TBC1D22A: variants seen among roughly 807,000 people sequenced by gnomAD.
TBC1D22A encodes the protein TBC1 domain family member 22A.
Under a neutral mutation model 60.2 loss-of-function variants are expected in TBC1D22A, and 38 were observed. The observed-to-expected ratio is 0.63, with a 90% confidence interval of 0.49 to 0.83. The LOEUF is 0.83. TBC1D22A is among the 40% of genes least tolerant of loss of function. The probability of loss-of-function intolerance (pLI) is 0.00; values close to 1 mark genes in which losing one functional copy is unlikely to be tolerated. For missense variants in TBC1D22A, 628 were observed against 701.0 expected (o/e 0.90, Z 1.18); for synonymous variants, 302 against 281.7 (o/e 1.07, Z -0.72).
At chr22:46,904,121 A>ATCTG (rs2069228792) in intron 7 of TBC1D22A, among the ~76,000 whole-genome samples, 2 of 83,966 alleles carry the variant, frequency 2.4e-5, no homozygotes, top group African/African-American at 5.2e-5. Context: ...CTATCTATCT[A>ATCTG]TCTATCTATC....
At chr22:46,791,194 T>C (rs2084390471) in intron 1 of TBC1D22A, among the ~76,000 whole-genome samples, 1 of 152,198 alleles carries the variant, frequency 6.6e-6, no homozygotes, top group African/African-American at 2.4e-5. Context: ...AATTTTTTTG[T>C]ATTTTTTTGT....
chr22:47,044,005 A>AGGTGCTGGGG (rs1478609928), intron 11 of TBC1D22A, among the ~76,000 whole-genome samples: 1 of 152,064 alleles, frequency 6.6e-6, no homozygotes, highest in Non-Finnish European at 1.5e-5. Context: ...TGAGCAGGGC[A>AGGTGCTGGGG]GGGCTCCGCC....
chr22:46,818,995 A>C (rs926599789), intron 4 of TBC1D22A, among the ~76,000 whole-genome samples: 1 of 152,102 alleles, frequency 6.6e-6, no homozygotes, highest in African/African-American at 2.4e-5. Context: ...CTTTGTAGCA[A>C]TTGTGAATGT....
At chr22:46,830,015 G>T (rs2086242098) in intron 4 of TBC1D22A, among the ~76,000 whole-genome samples, 2 of 152,234 alleles carry the variant, frequency 1.3e-5, no homozygotes, top group Non-Finnish European at 2.9e-5. Flanking sequence ...TGTGCTCGGC[G>T]AGAGACAGAA....
At chr22:46,822,245 T>G (rs1014303794) in intron 4 of TBC1D22A, among the ~76,000 whole-genome samples, 1 of 152,132 alleles carries the variant, frequency 6.6e-6, no homozygotes, top group African/African-American at 2.4e-5. Flanking sequence ...CCTGTCAATT[T>G]GTCCATCTGA....
chr22:47,110,394 GC>G (rs1313464585), intron 11 of TBC1D22A, among the ~76,000 whole-genome samples: 8 of 152,166 alleles, frequency 5.3e-5, no homozygotes, highest in Non-Finnish European at 8.8e-5. Flanking sequence ...CAGGAACATT[GC>G]TTGAAACCAG....
chr22:46,822,482 C>A (rs185342390), intron 4 of TBC1D22A, among the ~76,000 whole-genome samples: 17 of 152,124 alleles, frequency 1.1e-4, no homozygotes, highest in African/African-American at 3.9e-4. Context: ...GTTTTTCTTG[C>A]AATAGTCAGG....
intron 8 of TBC1D22A, among the ~76,000 whole-genome samples, chr22:46,925,323 A>G (rs1050688714): frequency 6.6e-6 from 1 of 152,202 alleles, no homozygotes; most frequent in Non-Finnish European, 1.5e-5. Context: ...GCAGTTCTAG[A>G]CCCACGTGAG....
At chr22:46,763,129 C>T (rs976403334) in intron 1 of TBC1D22A, 2 of 421,844 alleles carry the variant, frequency 4.7e-6, no homozygotes, top group Non-Finnish European at 8.4e-6. Flanking sequence ...CTCCTGGGCT[C>T]CTTGGGGAGG....
intron 11 of TBC1D22A, among the ~76,000 whole-genome samples, chr22:47,046,400 G>A (rs1308248174): frequency 6.6e-6 from 1 of 152,176 alleles, no homozygotes; most frequent in Non-Finnish European, 1.5e-5. Flanking sequence ...GAATGCTTTG[G>A]GCCCCAGAGT....
chr22:47,001,130 G>A (rs2061393250), intron 10 of TBC1D22A, among the ~76,000 whole-genome samples: 1 of 152,080 alleles, frequency 6.6e-6, no homozygotes, highest in Non-Finnish European at 1.5e-5. Flanking sequence ...AGGGCAAAGT[G>A]GACGTGATAC....
chr22:46,915,908 T>C (rs904481828), intron 8 of TBC1D22A: 12 of 450,812 alleles, frequency 2.7e-5, no homozygotes, highest in African/African-American at 1.2e-4. Flanking sequence ...AGGTTCCAAC[T>C]CTGCACATGC....
chr22:47,010,356 A>G (rs902964662), intron 10 of TBC1D22A, among the ~76,000 whole-genome samples: 3 of 152,184 alleles, frequency 2.0e-5, no homozygotes, highest in African/African-American at 7.2e-5. Context: ...TCTCGTCCTC[A>G]TTAGGCTCCA....
intron 1 of TBC1D22A, among the ~76,000 whole-genome samples, chr22:46,770,741 C>A (rs917302385): frequency 6.6e-6 from 1 of 152,234 alleles, no homozygotes; most frequent in East Asian, 1.9e-4. Context: ...TTGGCTGCTG[C>A]TTCTGGCCGC....
chr22:46,820,049 T>C (rs538008132), intron 4 of TBC1D22A, among the ~76,000 whole-genome samples: 1 of 152,362 alleles, frequency 6.6e-6, no homozygotes, highest in African/African-American at 2.4e-5. Flanking sequence ...TATTCTCTGA[T>C]GGTAGTTTGT....
chr22:47,080,171 C>T (rs933507557), intron 11 of TBC1D22A, among the ~76,000 whole-genome samples: 1 of 152,104 alleles, frequency 6.6e-6, no homozygotes, highest in African/African-American at 2.4e-5. Context: ...TAGTTATAAC[C>T]AGAGATTTTT....
intron 1 of TBC1D22A, among the ~76,000 whole-genome samples, chr22:46,786,029 C>T (rs780291684): frequency 2.0e-5 from 3 of 152,310 alleles, no homozygotes; most frequent in Middle Eastern, 6.8e-3. Context: ...TTATTCTCCC[C>T]ACCTTGGCCT....
intron 12 of TBC1D22A, among the ~76,000 whole-genome samples, chr22:47,141,263 G>A (rs2067075251): frequency 6.6e-6 from 1 of 152,164 alleles, no homozygotes; most frequent in South Asian, 2.1e-4. Context: ...GACATGTGGG[G>A]ATTGTGGGAG....
chr22:46,807,907 C>T (rs1283234152), intron 4 of TBC1D22A, among the ~76,000 whole-genome samples: 4 of 152,102 alleles, frequency 2.6e-5, no homozygotes, highest in Non-Finnish European at 5.9e-5. Flanking sequence ...TTGGAGGCTA[C>T]AGTGAGCTAT....
Sources: gnomAD v4.1 joint callset for allele counts (sites outside exome capture counted in the v4.1 genomes callset) on GRCh38, gnomAD v4.1.1 for gene constraint, MANE v1.5 for transcripts, NCBI Gene and HGNC (gene_info 2026-07-23, HGNC 2026-07-21) for gene names.